Variants in WWOX observed in about 807,000 individuals in gnomAD.
WWOX encodes the protein WW domain containing oxidoreductase.
Under a neutral mutation model 46.2 loss-of-function variants are expected in WWOX, and 69 were observed. The ratio of observed to expected loss-of-function variants is 1.49; its 90% confidence interval spans 1.23 to 1.82. WWOX has a LOEUF of 1.82. Among genes scored for constraint, WWOX ranks in the 40% most tolerant of loss-of-function variants. WWOX has a pLI of 0.00. For synonymous variants in WWOX, 359 were observed against 202.6 expected (o/e 1.77, Z -6.56); for missense variants, 919 against 542.6 (o/e 1.69, Z -6.89).
chr16:78,365,070 A>C (rs1216153392), intron 5 of WWOX, among the ~76,000 whole-genome samples: 1 of 152,098 alleles, frequency 6.6e-6, no homozygotes, highest in Non-Finnish European at 1.5e-5. Context: ...TCTTTCTCCA[A>C]CTAGTTTATG....
At chr16:78,874,634 G>A (rs2044197222) in intron 8 of WWOX, among the ~76,000 whole-genome samples, 1 of 149,770 alleles carries the variant, frequency 6.7e-6, no homozygotes, top group Admixed American at 6.7e-5. Context: ...ATGGGTAGTG[G>A]ACAAAAATTG....
intron 8 of WWOX, among the ~76,000 whole-genome samples, chr16:78,659,995 T>C (rs955199969): frequency 2.0e-5 from 3 of 152,200 alleles, no homozygotes; most frequent in East Asian, 1.9e-4. Flanking sequence ...CATCAGTACA[T>C]TGTTAATTGA....
chr16:78,260,090 T>C lies in WWOX; in HGVS notation c.516+95801T>C, dbSNP rs1264853833. ...CAGGAGCGTTTCTGCTGGAATCAGC[T>C]CGATGCCTCTTGAGGACAGAGACTC... On this transcript the variant is annotated intron_variant, in intron 5 of 8. Coordinates refer to ENST00000566780, the MANE Select transcript of WWOX (RefSeq NM_016373.4). Among the ~76,000 whole-genome samples, 6 of 151,192 alleles carry C rather than the reference T, an allele frequency of 4.0e-5. No homozygotes were observed. The South Asian group carries it at 8.3e-4, about 21-fold the overall frequency.
At chr16:79,071,543 G>T (rs56116462) in intron 8 of WWOX, among the ~76,000 whole-genome samples, 6,255 of 152,260 alleles carry the variant, frequency 0.041, 174 homozygotes, top group South Asian at 0.1. Context: ...TAGGAGAGCT[G>T]TTTCAGGTTT....
At chr16:78,972,907 G>A (rs1435985605) in intron 8 of WWOX, among the ~76,000 whole-genome samples, 1 of 152,216 alleles carries the variant, frequency 6.6e-6, no homozygotes. Context: ...TTTTATTAGC[G>A]CTGGAGCCTC....
At chr16:78,839,673 T>C (rs1246009346) in intron 8 of WWOX, among the ~76,000 whole-genome samples, 1 of 152,152 alleles carries the variant, frequency 6.6e-6, no homozygotes, top group East Asian at 1.9e-4. Flanking sequence ...GGGGGTAGAA[T>C]AAGGTTAGGC....
intron 5 of WWOX, among the ~76,000 whole-genome samples, chr16:78,181,494 G>A (rs913423241): frequency 2.6e-5 from 4 of 152,182 alleles, no homozygotes; most frequent in Non-Finnish European, 4.4e-5. Flanking sequence ...GTTCCAATTC[G>A]TGGCTTAATT....
At chr16:78,825,862 T>C in intron 8 of WWOX, 1 of 651,984 alleles carries the variant, frequency 1.5e-6, no homozygotes, top group Non-Finnish European at 2.8e-6. Flanking sequence ...ACCCCGCTGG[T>C]AAGACTGGCC....
chr16:78,938,963 A>T (rs1328392326), intron 8 of WWOX, among the ~76,000 whole-genome samples: 1 of 152,194 alleles, frequency 6.6e-6, no homozygotes, highest in Non-Finnish European at 1.5e-5. Context: ...AAGGTAGAAT[A>T]TGAAGTGTAA....
chr16:78,447,559 G>T (rs777306447), intron 8 of WWOX, among the ~76,000 whole-genome samples: 26 of 152,268 alleles, frequency 1.7e-4, no homozygotes, highest in Non-Finnish European at 2.4e-4. Flanking sequence ...GTAAATATCC[G>T]CATACATGCA....
intron 8 of WWOX, among the ~76,000 whole-genome samples, chr16:78,634,871 T>TGTGTGTGC (rs2046530687): frequency 6.9e-6 from 1 of 145,924 alleles, no homozygotes; most frequent in Non-Finnish European, 1.5e-5. Context: ...TGTGTGTGTG[T>TGTGTGTGC]GTGCGCGTGC....
At chr16:78,670,498 C>G (rs559788000) in intron 8 of WWOX, among the ~76,000 whole-genome samples, 14 of 151,944 alleles carry the variant, frequency 9.2e-5, no homozygotes, top group South Asian at 2.1e-4. Context: ...TCATGTCACC[C>G]TCTGAATGTG....
intron 8 of WWOX, among the ~76,000 whole-genome samples, chr16:78,925,310 C>T (rs1309033445): frequency 6.6e-6 from 1 of 152,168 alleles, no homozygotes; most frequent in African/African-American, 2.4e-5. Context: ...GAAAATAACC[C>T]CTCAACTGCC....
At chr16:78,550,526 A>G (rs1289519830) in intron 8 of WWOX, among the ~76,000 whole-genome samples, 1 of 152,252 alleles carries the variant, frequency 6.6e-6, no homozygotes, top group African/African-American at 2.4e-5. Flanking sequence ...CATAATTTCA[A>G]AAATCATTTT....
intron 8 of WWOX, among the ~76,000 whole-genome samples, chr16:78,908,666 GA>G (rs1385702205): frequency 6.6e-6 from 1 of 152,140 alleles, no homozygotes; most frequent in Non-Finnish European, 1.5e-5. Flanking sequence ...TTAGTGAGAA[GA>G]GGGTCAGGGA....
intron 8 of WWOX, among the ~76,000 whole-genome samples, chr16:78,519,490 A>AATAT (rs375221050): frequency 1.3e-5 from 2 of 149,422 alleles, no homozygotes; most frequent in South Asian, 2.1e-4. Context: ...ACATCTATGA[A>AATAT]ATATATATAT....
intron 8 of WWOX, among the ~76,000 whole-genome samples, chr16:78,967,734 G>C (rs963536841): frequency 1.3e-5 from 2 of 152,094 alleles, no homozygotes; most frequent in Non-Finnish European, 2.9e-5. Context: ...GTCAGGACCT[G>C]ACTTAGGAGG....
At chr16:78,428,492 G>C (rs1244165599) in intron 7 of WWOX, among the ~76,000 whole-genome samples, 2 of 152,216 alleles carry the variant, frequency 1.3e-5, no homozygotes, top group Non-Finnish European at 2.9e-5. Flanking sequence ...TCTTTGCAGA[G>C]AGAGTGCCTG....
chr16:79,061,939 T>G (rs1417771544), intron 8 of WWOX, among the ~76,000 whole-genome samples: 2 of 152,206 alleles, frequency 1.3e-5, no homozygotes, highest in Admixed American at 6.5e-5. Flanking sequence ...ATTGGGAAAG[T>G]GGGACTTCAG....
Sources: gnomAD v4.1 joint callset for allele counts (sites outside exome capture counted in the v4.1 genomes callset) on GRCh38, gnomAD v4.1.1 for gene constraint, MANE v1.5 for transcripts, NCBI Gene and HGNC (gene_info 2026-07-23, HGNC 2026-07-21) for gene names.